Variants in EDIL3 observed in about 807,000 individuals in gnomAD.
EDIL3 encodes EGF-like repeat and discoidin I-like domain-containing protein 3.
Under a neutral mutation model 67.4 loss-of-function variants are expected in EDIL3, and 37 were observed. The observed-to-expected ratio is 0.55, with a 90% CI of 0.42 to 0.72. The LOEUF (loss-of-function observed/expected upper bound fraction) is 0.72, where lower values mean the gene tolerates loss of function less well. Ranked by LOEUF, EDIL3 falls within the 30% of genes least tolerant of loss-of-function variation. The pLI is 0.00. For missense variants in EDIL3, 527 were observed against 586.3 expected (o/e 0.90, Z 1.04); for synonymous variants, 195 against 196.3 (o/e 0.99, Z 0.05).
intron 9 of EDIL3, among the ~76,000 whole-genome samples, chr5:84,054,341 C>G (rs1354284136): frequency 6.6e-6 from 1 of 152,176 alleles, no homozygotes; most frequent in Non-Finnish European, 1.5e-5. Flanking sequence ...GACAAACTCA[C>G]AGCCAATATC....
chr5:84,012,165 T>G (rs10491382), intron 9 of EDIL3, among the ~76,000 whole-genome samples: 2 of 152,068 alleles, frequency 1.3e-5, no homozygotes, highest in African/African-American at 4.8e-5. Flanking sequence ...CCTAATAGCA[T>G]GATAGATGGT....
At chr5:84,329,245 G>T (rs939526827) in intron 1 of EDIL3, among the ~76,000 whole-genome samples, 10 of 152,060 alleles carry the variant, frequency 6.6e-5, no homozygotes, top group African/African-American at 2.4e-4. Flanking sequence ...ATAGCTGAAT[G>T]TTATTAATAT....
At position 84,312,405 on chromosome 5, in the gene EDIL3, G is replaced by A. The variant is rs560922154; in HGVS notation, c.68-58193C>T. Among the ~76,000 whole-genome samples, 5 of 137,780 alleles carry A rather than the reference G, an allele frequency of 3.6e-5. No individual in the cohort carries two copies. The East Asian group carries it at 7.2e-4, about 20-fold the overall frequency. The allele number at this position is 137,780 out of a possible 152,430, so 90.4% of individuals were successfully genotyped here. ...GGGCTGACTCCCCCACCACCCTCCC[G>A]GACGGGGCGGCTGGCCGGGCAGAGG... On this transcript the variant is annotated intron_variant, in intron 1 of 10. Transcript: ENST00000296591.
intron 5 of EDIL3, among the ~76,000 whole-genome samples, chr5:84,127,581 T>C (rs1747889899): frequency 1.3e-5 from 2 of 152,102 alleles, no homozygotes; most frequent in Admixed American, 1.3e-4. Flanking sequence ...CACACAATTA[T>C]ATAAGGGCCA....
intron 1 of EDIL3, among the ~76,000 whole-genome samples, chr5:84,295,292 T>C (rs1243513074): frequency 6.6e-6 from 1 of 152,078 alleles, no homozygotes; most frequent in Non-Finnish European, 1.5e-5. Flanking sequence ...GAAAGGATGT[T>C]ACCCACTCTA....
At chr5:83,961,381 G>T (rs1453820467) in intron 10 of EDIL3, among the ~76,000 whole-genome samples, 1 of 151,128 alleles carries the variant, frequency 6.6e-6, no homozygotes, top group Non-Finnish European at 1.5e-5. Flanking sequence ...AAAATTTTAT[G>T]TAAGTTTCAG....
intron 5 of EDIL3, among the ~76,000 whole-genome samples, chr5:84,111,102 C>T (rs1747556565): frequency 6.6e-6 from 1 of 152,146 alleles, no homozygotes; most frequent in South Asian, 2.1e-4. Flanking sequence ...TCTTCACACT[C>T]ACTCCTGCTG....
At chr5:83,952,008 C>A (rs1038982911) in intron 10 of EDIL3, among the ~76,000 whole-genome samples, 4 of 151,824 alleles carry the variant, frequency 2.6e-5, no homozygotes, top group Admixed American at 1.3e-4. Context: ...CGATGAGAGA[C>A]CAAAGGGACT....
chr5:84,133,464 CA>C (rs5869210), intron 5 of EDIL3, among the ~76,000 whole-genome samples: 6,937 of 86,604 alleles, frequency 0.08, 200 homozygotes, highest in African/African-American at 0.15. Context: ...ACTAAAAATA[CA>C]AAAAAAAAAA....
At chr5:83,984,199 A>G (rs1435395327) in intron 9 of EDIL3, among the ~76,000 whole-genome samples, 2 of 152,108 alleles carry the variant, frequency 1.3e-5, no homozygotes, top group Admixed American at 1.3e-4. Context: ...AGTTGCAGAA[A>G]TGAGACAAGT....
At chr5:84,233,120 T>C (rs1744614940) in intron 2 of EDIL3, among the ~76,000 whole-genome samples, 1 of 152,134 alleles carries the variant, frequency 6.6e-6, no homozygotes, top group Admixed American at 6.6e-5. Flanking sequence ...AATAAGTGTA[T>C]TGCTCCACTT....
At chr5:84,230,016 C>T (rs895139236) in intron 2 of EDIL3, 132 bp from the exon 3 acceptor site, 4 of 763,634 alleles carry the variant, frequency 5.2e-6, no homozygotes, top group Non-Finnish European at 6.1e-6. Flanking sequence ...CAAACACTAA[C>T]TACAAGCCCC....
intron 1 of EDIL3, among the ~76,000 whole-genome samples, chr5:84,367,617 A>G (rs1352241368): frequency 1.3e-5 from 2 of 152,096 alleles, no homozygotes; most frequent in Non-Finnish European, 2.9e-5. Context: ...CCCTGTTTCT[A>G]CCAAGAATAC....
chr5:84,294,980 T>C (rs2112123203), intron 1 of EDIL3, among the ~76,000 whole-genome samples: 1 of 152,312 alleles, frequency 6.6e-6, no homozygotes, highest in Admixed American at 6.5e-5. Context: ...CAGTATAATT[T>C]ATTTTATTAC....
At chr5:84,121,262 G>A (rs1168030528) in intron 5 of EDIL3, among the ~76,000 whole-genome samples, 1 of 151,814 alleles carries the variant, frequency 6.6e-6, no homozygotes, top group Non-Finnish European at 1.5e-5. Context: ...GCTTCTATCT[G>A]GAAAAGATTT....
chr5:84,313,507 T>C (rs145684144), intron 1 of EDIL3, among the ~76,000 whole-genome samples: 1 of 152,356 alleles, frequency 6.6e-6, no homozygotes, highest in Non-Finnish European at 1.5e-5. Context: ...AGCTACCATG[T>C]ACTAGTGGTA....
intron 9 of EDIL3, among the ~76,000 whole-genome samples, chr5:84,017,648 C>T (rs1020375830): frequency 6.6e-6 from 1 of 152,124 alleles, no homozygotes; most frequent in African/African-American, 2.4e-5. Context: ...ACTGATTGGA[C>T]AGGAAATGTA....
chr5:84,383,647 C>A (rs1748142225), intron 1 of EDIL3, among the ~76,000 whole-genome samples: 1 of 152,130 alleles, frequency 6.6e-6, no homozygotes, highest in Non-Finnish European at 1.5e-5. Flanking sequence ...AAGCTCCAGG[C>A]CCCTGGGGTC....
chr5:84,222,948 T>C (rs1395304080), intron 3 of EDIL3, among the ~76,000 whole-genome samples: 18 of 151,844 alleles, frequency 1.2e-4, no homozygotes, highest in Admixed American at 1.2e-3. Flanking sequence ...ATTTTCTTGA[T>C]TGTTTCCTTT....
Sources: allele counts gnomAD v4.1 joint callset (sites outside exome capture counted in the v4.1 genomes callset), GRCh38; gene constraint gnomAD v4.1.1; transcripts MANE v1.5; gene names NCBI Gene and HGNC (gene_info 2026-07-23, HGNC 2026-07-21).